The following ADGRG6 variants were observed in gnomAD, a reference collection of about 807,000 sequenced individuals.
The protein encoded by ADGRG6 is G-protein coupled receptor 126.
ADGRG6 carries 84 observed loss-of-function variants against 142.4 expected under a neutral mutation model. That is an observed-to-expected ratio of 0.59 (90% CI 0.49 to 0.71). ADGRG6 has a LOEUF of 0.71. ADGRG6 is among the 30% of genes least tolerant of loss of function. The probability of loss-of-function intolerance (pLI) is 0.00; values close to 1 mark genes in which losing one functional copy is unlikely to be tolerated. For missense variants in ADGRG6, 1,367 were observed against 1,466.6 expected (o/e 0.93, Z 1.11); for synonymous variants, 521 against 520.5 (o/e 1.00, Z -0.01).
intron 2 of ADGRG6, among the ~76,000 whole-genome samples, chr6:142,323,254 GAA>G (rs1778605548): frequency 2.0e-5 from 3 of 151,890 alleles, no homozygotes; most frequent in Admixed American, 6.6e-5. Flanking sequence ...AACATCTCAT[GAA>G]AGTGAGAATG....
chr6:142,391,594 T>G (rs941744855), intron 7 of ADGRG6, among the ~76,000 whole-genome samples: 2 of 151,774 alleles, frequency 1.3e-5, no homozygotes, highest in African/African-American at 4.8e-5. Context: ...TTAACTCTGT[T>G]ACAAAGTTGG....
At chr6:142,331,709 TTC>T (rs1259941347) in intron 2 of ADGRG6, among the ~76,000 whole-genome samples, 3 of 152,130 alleles carry the variant, frequency 2.0e-5, no homozygotes, top group Admixed American at 6.6e-5. Context: ...AACTATTGCC[TTC>T]TCTGTTTTTT....
At chr6:142,340,093 G>T (rs1779539876) in intron 2 of ADGRG6, among the ~76,000 whole-genome samples, 1 of 152,070 alleles carries the variant, frequency 6.6e-6, no homozygotes. Flanking sequence ...ATGAACAATA[G>T]CTTATATGCA....
In ADGRG6 at chr6:142,373,892, T is replaced by C. The variant is rs537283517; in HGVS notation, c.1069+3099T>C. Among the ~76,000 whole-genome samples, 1,213 of 148,014 alleles carry C rather than the reference T, an allele frequency of 8.2e-3. 10 individuals carry two copies. The highest frequency in any genetic ancestry group is 0.014 in the Non-Finnish European group (947 of 66,656). ...TTTCTTTTTCTTTTCTTTTTTTTTT[T>C]TTTTTTTTTTTTTAAGTTGGGGTCT... On this transcript the variant is annotated intron_variant, in intron 4 of 24. Transcript: ENST00000367609.
At chr6:142,426,710 G>T (rs952678041) in intron 22 of ADGRG6, among the ~76,000 whole-genome samples, 8 of 152,190 alleles carry the variant, frequency 5.3e-5, no homozygotes, top group Non-Finnish European at 1.0e-4. Context: ...CTCCATGAGG[G>T]CCTCACCCCT....
intron 4 of ADGRG6, among the ~76,000 whole-genome samples, chr6:142,377,542 ACATTTG>A (rs1368531876): frequency 6.6e-6 from 1 of 152,194 alleles, no homozygotes; most frequent in East Asian, 1.9e-4. Flanking sequence ...ATCTGCCTAG[ACATTTG>A]GCTGTCTCAT....
At chr6:142,344,299 T>C (rs1338897862) in intron 2 of ADGRG6, among the ~76,000 whole-genome samples, 1 of 151,998 alleles carries the variant, frequency 6.6e-6, no homozygotes, top group Non-Finnish European at 1.5e-5. Context: ...ATAAACAAGC[T>C]TTTCTTTATG....
At position 142,397,562 on chromosome 6, in the gene ADGRG6, A is replaced by G. The variant is rs1775264220; in HGVS notation, c.1425-51A>G. The G allele has an allele frequency of 3.2e-6, 5 of 1,565,668 alleles. No homozygotes were observed. In the South Asian group the frequency reaches 3.5e-5, roughly 11 times the overall value. On this transcript the variant is annotated intron_variant, in intron 9 of 24. Coordinates refer to ENST00000367609, the MANE Select transcript of ADGRG6 (RefSeq NM_198569.3). ...AATACTCTGTTTCTCCTACCAAATG[A>G]CAAGCAACCAATGAACAACAACAAC...
chr6:142,359,398 G>A (rs984233830), intron 2 of ADGRG6, among the ~76,000 whole-genome samples: 1 of 151,834 alleles, frequency 6.6e-6, no homozygotes, highest in African/African-American at 2.4e-5. Flanking sequence ...CTTTACACAC[G>A]ATGCTCCAGC....
In ADGRG6 at chr6:142,326,699, G is replaced by A. The variant is rs1342055; in HGVS notation, c.103+17055G>A. 5.7e-3 allele frequency among the ~76,000 whole-genome samples: 860 copies of A among 152,122 alleles called. 17 individuals are homozygous for A. The highest frequency in any genetic ancestry group is 0.041 in the Admixed American group (620 of 15,252). On this transcript the variant is annotated intron_variant, in intron 2 of 24. Coordinates refer to ENST00000367609, the MANE Select transcript of ADGRG6 (RefSeq NM_198569.3). ...TGAGATCATCTGTTATCAAAACTCC[G>A]TTATTAGGTGGAGACAGATAAATCA...
chr6:142,440,151 A>G (rs912993839), intron 24 of ADGRG6, among the ~76,000 whole-genome samples: 5 of 152,232 alleles, frequency 3.3e-5, no homozygotes, highest in African/African-American at 9.6e-5. Flanking sequence ...TATTAAGGAT[A>G]GAAAGGGCTA....
At chr6:142,441,020 A>G in intron 24 of ADGRG6, 1 of 729,370 alleles carries the variant, frequency 1.4e-6, no homozygotes, top group South Asian at 2.1e-5. Flanking sequence ...ATGTGCATGG[A>G]TTAAGCTAAG....
chr6:142,351,692 A>G (rs1780182223), intron 2 of ADGRG6, among the ~76,000 whole-genome samples: 1 of 152,180 alleles, frequency 6.6e-6, no homozygotes, highest in Non-Finnish European at 1.5e-5. Flanking sequence ...GAAAACAAAA[A>G]TTCACAAATG....
Position 142,382,388 on chromosome 6 carries a change from A to G in ADGRG6, c.1138+369A>G, listed in dbSNP as rs542209038. On this transcript the variant is annotated intron_variant, in intron 5 of 24. Coordinates refer to ENST00000367609, the MANE Select transcript of ADGRG6 (RefSeq NM_198569.3). ...ATACTTTGAAGAAGTATTCATGTCT[A>G]TAAAATAAAGAGGGAAATTAATTTG... Among the ~76,000 whole-genome samples, 169 of 152,346 alleles carry G rather than the reference A, an allele frequency of 1.1e-3. 2 individuals carry two copies. The highest frequency in any genetic ancestry group is 3.8e-3 in the African/African-American group (158 of 41,586).
At chr6:142,351,621 T>G (rs1780180370) in intron 2 of ADGRG6, among the ~76,000 whole-genome samples, 1 of 152,160 alleles carries the variant, frequency 6.6e-6, no homozygotes. Flanking sequence ...CCTAGGAAAT[T>G]CCATTCTGGT....
At chr6:142,371,486 T>TTG (rs1554243649) in intron 4 of ADGRG6, among the ~76,000 whole-genome samples, 14 of 103,776 alleles carry the variant, frequency 1.3e-4, no homozygotes, top group Non-Finnish European at 2.0e-4. Flanking sequence ...TTTTTTTTGT[T>TTG]TTTTTTTTTT....
At chr6:142,309,388 A>G (rs931914382) in intron 1 of ADGRG6, among the ~76,000 whole-genome samples, 156 bp from the exon 2 acceptor site, 24 of 152,074 alleles carry the variant, frequency 1.6e-4, no homozygotes, top group African/African-American at 5.5e-4. Context: ...GAAGTGATCA[A>G]GTCGTCATCA....
chr6:142,363,538 GTTGT>G lies in ADGRG6; in HGVS notation c.104-4023_104-4020del, dbSNP rs1460994815. 4.6e-5 allele frequency among the ~76,000 whole-genome samples: 7 copies of G among 152,150 alleles called. No individual in the cohort carries two copies. In the East Asian group the frequency reaches 1.3e-3, roughly 29 times the overall value. The stretch of plus-strand genomic sequence containing the variant: ...AAGAACTGAGGGTGGAATTTGGTTT[GTTGT>G]TTGTTTGGATTACTTGAAAACCTTG... On this transcript the variant is annotated intron_variant, in intron 2 of 24. Transcript: ENST00000367609.
At position 142,325,698 on chromosome 6, in the gene ADGRG6, A is replaced by G. The variant is rs77989572; in HGVS notation, c.103+16054A>G. 9.3e-3 allele frequency among the ~76,000 whole-genome samples: 1,411 copies of G among 152,252 alleles called. 21 individuals are homozygous for G. The highest frequency in any genetic ancestry group is 0.059 in the East Asian group (303 of 5,176). ...TATTTAGAAACATGATATAGTTTCA[A>G]ACTTTTACTAATTTATCTGATATGC... is the stretch of plus-strand genomic sequence containing the variant. On this transcript the variant is annotated intron_variant, in intron 2 of 24. Coordinates refer to ENST00000367609, the MANE Select transcript of ADGRG6 (RefSeq NM_198569.3).
Sources: allele counts gnomAD v4.1 joint callset (sites outside exome capture counted in the v4.1 genomes callset), GRCh38; gene constraint gnomAD v4.1.1; transcripts MANE v1.5; gene names NCBI Gene and HGNC (gene_info 2026-07-23, HGNC 2026-07-21).